The following ARHGAP18 variants were observed in gnomAD, a reference collection of about 807,000 sequenced individuals.
The protein encoded by ARHGAP18 is Rho GTPase activating protein 18.
ARHGAP18 carries 67 observed loss-of-function variants against 86.2 expected under a neutral mutation model. That is an observed-to-expected ratio of 0.78 (90% CI 0.64 to 0.95). The LOEUF (loss-of-function observed/expected upper bound fraction) is 0.95. Ranked by LOEUF, ARHGAP18 falls within the 40% of genes least tolerant of loss-of-function variation. The pLI is 0.00. For synonymous variants in ARHGAP18, 283 were observed against 280.4 expected (o/e 1.01, Z -0.09); for missense variants, 691 against 780.4 (o/e 0.89, Z 1.37).
intron 1 of ARHGAP18, among the ~76,000 whole-genome samples, chr6:129,656,222 T>C (rs555108250): frequency 1.3e-5 from 2 of 152,316 alleles, no homozygotes; most frequent in South Asian, 2.1e-4. Flanking sequence ...ATAAAATATG[T>C]AGGGAAACAG....
chr6:129,579,517 T>TA (rs1230744948), intron 14 of ARHGAP18, among the ~76,000 whole-genome samples: 1 of 152,140 alleles, frequency 6.6e-6, no homozygotes, highest in Non-Finnish European at 1.5e-5. Flanking sequence ...TTTAAATTTT[T>TA]AAAAAGAGAT....
rs553523150 is a variant in ARHGAP18 at position 129,625,117 on chromosome 6, A to AT, written c.786+4235_786+4236insA. 1.8e-4 allele frequency among the ~76,000 whole-genome samples: 5 copies of AT among 27,986 alleles called. 1 individual carries two copies. Among genetic ancestry groups the AT allele is most frequent in the African/African-American group, 4.2e-4 (3 of 7,136 alleles). 18.4% of individuals were successfully genotyped at this position (27,986 alleles called of 152,430 possible). The stretch of plus-strand genomic sequence containing the variant: ...ATATGATATATATTATATATTATAT[A>AT]GATATATATTATATATGATATATAT... On this transcript the variant is annotated intron_variant, in intron 5 of 14. Transcript: ENST00000368149.
intron 1 of ARHGAP18, among the ~76,000 whole-genome samples, chr6:129,708,783 A>G (rs1774849895): frequency 1.3e-5 from 2 of 152,214 alleles, no homozygotes; most frequent in Admixed American, 6.5e-5. Context: ...TTACTAATAC[A>G]TTACAGAAAA....
rs991065709 is a variant in ARHGAP18 at position 129,606,015 on chromosome 6, CTTTAT to C, written c.1283-61_1283-57del. On this transcript the variant is annotated intron_variant, in intron 9 of 14. Coordinates refer to ENST00000368149, the MANE Select transcript of ARHGAP18 (RefSeq NM_033515.3). ...TTTCTTCAGTGAACATTTTCCTTTA[CTTTAT>C]TTTTTCACTTTTTAAGAAAAAAGTT... 416 of 1,539,682 alleles carry C rather than the reference CTTTAT, an allele frequency of 2.7e-4. 9 individuals carry two copies. In the South Asian group the frequency reaches 2.9e-3, roughly 11 times the overall value.
At chr6:129,592,339 C>G (rs531587470) in intron 12 of ARHGAP18, among the ~76,000 whole-genome samples, 13 of 152,178 alleles carry the variant, frequency 8.5e-5, no homozygotes, top group African/African-American at 3.1e-4. Context: ...CATAAAGGCA[C>G]GCAACCCTGG....
In ARHGAP18 at chr6:129,623,000, T is replaced by C. The variant is rs1562694832; in HGVS notation, c.787-4148A>G. On this transcript the variant is annotated intron_variant, in intron 5 of 14. Transcript: ENST00000368149. ...TGGGCAACAAGAGTGAAACTCCATC[T>C]CAAAACAAAAAAAAAAAAAAAAAAA... is the stretch of plus-strand genomic sequence containing the variant. 7.0e-5 allele frequency among the ~76,000 whole-genome samples: 3 copies of C among 43,108 alleles called. No individual in the cohort carries two copies. The South Asian group carries it at 2.2e-3, about 31-fold the overall frequency. 28.3% of individuals were successfully genotyped at this position (43,108 alleles called of 152,430 possible). A position where few individuals can be genotyped will look rare whatever the true frequency, so the allele number is the denominator to read the frequency against.
intron 10 of ARHGAP18, among the ~76,000 whole-genome samples, chr6:129,602,134 T>C (rs1275174338): frequency 1.3e-5 from 2 of 152,156 alleles, no homozygotes; most frequent in African/African-American, 2.4e-5. Context: ...TCTTCTTTTG[T>C]TCTAGAACAA....
chr6:129,614,964 T>A (rs187357753), intron 7 of ARHGAP18, among the ~76,000 whole-genome samples: 47 of 152,286 alleles, frequency 3.1e-4, no homozygotes, highest in Middle Eastern at 6.8e-3. Flanking sequence ...TAGCATCAAC[T>A]CTTGCCTGAG....
At chr6:129,694,509 T>C (rs1024395892) in intron 1 of ARHGAP18, among the ~76,000 whole-genome samples, 9 of 152,216 alleles carry the variant, frequency 5.9e-5, no homozygotes, top group Non-Finnish European at 1.0e-4. Flanking sequence ...GTGCCACTTT[T>C]AAGTGGAAAA....
At chr6:129,676,952 G>A (rs1475895454) in intron 1 of ARHGAP18, among the ~76,000 whole-genome samples, 2 of 105,422 alleles carry the variant, frequency 1.9e-5, no homozygotes, top group African/African-American at 4.2e-5. Context: ...TTTTTTTAAG[G>A]AAGGAAAATA....
chr6:129,602,794 G>A (rs1011614144), intron 10 of ARHGAP18, among the ~76,000 whole-genome samples: 13 of 151,886 alleles, frequency 8.6e-5, no homozygotes, highest in Admixed American at 4.6e-4. Context: ...CTTTCTTTAT[G>A]AGCATAAATT....
intron 1 of ARHGAP18, among the ~76,000 whole-genome samples, chr6:129,668,583 G>A (rs1191287921): frequency 1.3e-5 from 2 of 152,030 alleles, no homozygotes; most frequent in African/African-American, 2.4e-5. Context: ...TCCTCGTCGG[G>A]TTCCTCTCCC....
At chr6:129,653,852 G>C (rs1773769764) in intron 1 of ARHGAP18, among the ~76,000 whole-genome samples, 1 of 151,834 alleles carries the variant, frequency 6.6e-6, no homozygotes. Flanking sequence ...TCACCAGCCT[G>C]GGCAACATAG....
Position 129,577,123 on chromosome 6 carries a change from A to C in ARHGAP18, c.*1390T>G, listed in dbSNP as rs561492298. On this transcript the variant is annotated 3_prime_UTR_variant, in exon 15 of 15. Coordinates refer to ENST00000368149, the MANE Select transcript of ARHGAP18 (RefSeq NM_033515.3). ...TTTAGAAAAAGGCATTTAATTACAA[A>C]ATTTTCTTTTAAATAAAAAAGCAAT... 3 of 152,300 alleles carry C rather than the reference A, an allele frequency of 2.0e-5. No homozygotes were observed. The South Asian group carries it at 6.2e-4, about 32-fold the overall frequency. 9.4% of individuals were successfully genotyped at this position (152,300 alleles called of 1,614,324 possible). A position where few individuals can be genotyped will look rare whatever the true frequency, so the allele number is the denominator to read the frequency against.
chr6:129,688,924 A>G (rs181679044), intron 1 of ARHGAP18, among the ~76,000 whole-genome samples: 40 of 152,352 alleles, frequency 2.6e-4, no homozygotes, highest in Admixed American at 6.5e-4. Flanking sequence ...ACTGCATCTA[A>G]CTATTGTCTA....
At chr6:129,581,971 A>G (rs1788298553) in intron 13 of ARHGAP18, among the ~76,000 whole-genome samples, 1 of 152,102 alleles carries the variant, frequency 6.6e-6, no homozygotes, top group South Asian at 2.1e-4. Flanking sequence ...ACAAATGAGG[A>G]ACTTGATACT....
At chr6:129,701,493 C>T (rs12197210) in intron 1 of ARHGAP18, among the ~76,000 whole-genome samples, 36,856 of 152,170 alleles carry the variant, frequency 0.24, 5,233 homozygotes, top group African/African-American at 0.39. Context: ...AAATTAAGGC[C>T]GGGCGCGGTG....
At chr6:129,606,015 C>T in intron 9 of ARHGAP18, 56 bp from the exon 10 acceptor site, 4 of 1,539,686 alleles carry the variant, frequency 2.6e-6, no homozygotes, top group Non-Finnish European at 3.6e-6. Context: ...TTTTCCTTTA[C>T]TTTATTTTTT....
intron 1 of ARHGAP18, among the ~76,000 whole-genome samples, chr6:129,695,800 G>A (rs1774605643): frequency 6.7e-6 from 1 of 148,264 alleles, no homozygotes; most frequent in Non-Finnish European, 1.5e-5. Context: ...ATATAAACGT[G>A]TTCTTATCTG....
Sources: gnomAD v4.1 joint callset for allele counts (sites outside exome capture counted in the v4.1 genomes callset) on GRCh38, gnomAD v4.1.1 for gene constraint, MANE v1.5 for transcripts, NCBI Gene and HGNC (gene_info 2026-07-23, HGNC 2026-07-21) for gene names.